The following TRAPPC8 variants were observed in gnomAD, a reference collection of about 807,000 sequenced individuals.
TRAPPC8 encodes the protein general sporulation gene 1 homolog.
In TRAPPC8, 54 loss-of-function variants were observed where a neutral mutation model predicts 174.3. The observed-to-expected ratio is 0.31, with a 90% confidence interval of 0.25 to 0.39. The LOEUF is 0.39. Ranked by LOEUF, TRAPPC8 falls within the 10% of genes least tolerant of loss-of-function variation. The pLI is 1.00. For missense variants in TRAPPC8, 1,531 were observed against 1,699.1 expected (o/e 0.90, Z 1.74); for synonymous variants, 630 against 579.9 (o/e 1.09, Z -1.24).
rs1010175637 is a variant in TRAPPC8, at chr18:31,942,791, C to G, written c.-27G>C. The G allele has an allele frequency of 8.0e-6, 11 of 1,377,364 alleles. No homozygotes were observed. Among genetic ancestry groups the G allele is most frequent in the Non-Finnish European group, 1.0e-5 (11 of 1,055,494 alleles). 85.3% of individuals were successfully genotyped at this position (1,377,364 alleles called of 1,614,324 possible). A position where few individuals can be genotyped will look rare whatever the true frequency, so the allele number is the denominator to read the frequency against. ...GCCGCAGCACAGGCAGCGGCGGCGCCCGCCCTCCGGCCCACCCTGCGAGGT... is the reference window on the plus strand; with the variant it reads ...GCCGCAGCACAGGCAGCGGCGGCGCGCGCCCTCCGGCCCACCCTGCGAGGT... On this transcript the variant is annotated 5_prime_UTR_variant, in exon 1 of 29. Transcript: ENST00000283351.
chr18:31,867,806 G>A (rs541308790), intron 16 of TRAPPC8, among the ~76,000 whole-genome samples: 29 of 152,156 alleles, frequency 1.9e-4, no homozygotes, highest in African/African-American at 5.5e-4. Context: ...TTGAACCCGG[G>A]AGGTGGAGGT....
intron 26 of TRAPPC8, 43 bp downstream of exon 26, chr18:31,846,673 C>T (rs1385260758): frequency 3.4e-6 from 5 of 1,464,776 alleles, no homozygotes; most frequent in Non-Finnish European, 2.8e-6. Flanking sequence ...AAAAAAAAAC[C>T]CACAAGTTCA....
intron 4 of TRAPPC8, among the ~76,000 whole-genome samples, chr18:31,914,536 C>T (rs1489257908): frequency 6.6e-6 from 1 of 152,174 alleles, no homozygotes; most frequent in African/African-American, 2.4e-5. Flanking sequence ...TATAGTAGTA[C>T]ACCTTATCCA....
intron 26 of TRAPPC8, chr18:31,844,413 T>G (rs2033274760): frequency 6.6e-6 from 1 of 152,208 alleles, no homozygotes; most frequent in South Asian, 2.1e-4. Context: ...GTTCTAGTTC[T>G]TGATCTGGGT....
At chr18:31,880,794 G>T (rs1216516749) in intron 12 of TRAPPC8, among the ~76,000 whole-genome samples, 1 of 152,038 alleles carries the variant, frequency 6.6e-6, no homozygotes, top group Non-Finnish European at 1.5e-5. Flanking sequence ...TAGGATAAAT[G>T]ACTTCAGCAG....
chr18:31,939,147 G>C (rs78194016), intron 1 of TRAPPC8, among the ~76,000 whole-genome samples: 33,747 of 148,312 alleles, frequency 0.23, 4,631 homozygotes, highest in South Asian at 0.52. Flanking sequence ...AAAAGTAGCT[G>C]TTCTAGGTGG....
In TRAPPC8 at chr18:31,864,795, C is replaced by T; in HGVS notation, c.2591-14G>A. The T allele has an allele frequency of 6.3e-7, 1 of 1,594,702 alleles. No individual in the cohort carries two copies. The highest frequency in any genetic ancestry group is 8.5e-7 in the Non-Finnish European group (1 of 1,172,150). ...AGGAATATTTTCCTGAAATAAAAAACAATCAATGCCCTAAAATAATTTGGT... is the reference window on the plus strand; with the variant it reads ...AGGAATATTTTCCTGAAATAAAAAATAATCAATGCCCTAAAATAATTTGGT... On this transcript the variant is annotated splice_polypyrimidine_tract_variant and intron_variant, in intron 18 of 28. Coordinates refer to ENST00000283351, the MANE Select transcript of TRAPPC8 (RefSeq NM_014939.5).
chr18:31,904,127 T>G (rs116798021), intron 9 of TRAPPC8, among the ~76,000 whole-genome samples: 1 of 151,572 alleles, frequency 6.6e-6, no homozygotes, highest in African/African-American at 2.4e-5. Context: ...TCCCAGCTAC[T>G]GTGGGGGGCT....
In TRAPPC8 at chr18:31,916,464, T is replaced by C; in HGVS notation, c.443-18A>G. On this transcript the variant is annotated intron_variant, in intron 3 of 28. Coordinates refer to ENST00000283351, the MANE Select transcript of TRAPPC8 (RefSeq NM_014939.5). ...CAACATACCTTGTAAACCATATTAT[T>C]AAGGTAATTATCGCTTATTACTCAA... is the stretch of plus-strand genomic sequence containing the variant. 1.3e-6 allele frequency: 2 copies of C among 1,593,250 alleles called. No individual in the cohort carries two copies. Among genetic ancestry groups the C allele is most frequent in the Non-Finnish European group, 1.7e-6 (2 of 1,171,700 alleles).
At chr18:31,932,797 C>G (rs1424894025) in intron 1 of TRAPPC8, among the ~76,000 whole-genome samples, 1 of 151,794 alleles carries the variant, frequency 6.6e-6, no homozygotes, top group Non-Finnish European at 1.5e-5. Flanking sequence ...GCCTGGCCAA[C>G]ATAGTGAAAC....
At chr18:31,860,864 C>T (rs1204892212) in intron 19 of TRAPPC8, among the ~76,000 whole-genome samples, 1 of 152,144 alleles carries the variant, frequency 6.6e-6, no homozygotes, top group Non-Finnish European at 1.5e-5. Flanking sequence ...ACTATCTATT[C>T]CCAAACTTGT....
intron 1 of TRAPPC8, among the ~76,000 whole-genome samples, chr18:31,939,203 A>C (rs1014593281): frequency 1.3e-5 from 2 of 152,160 alleles, no homozygotes; most frequent in African/African-American, 4.8e-5. Context: ...ACTAAAACCA[A>C]GAAAAATTAA....
At position 31,871,061 on chromosome 18, in the gene TRAPPC8, G is replaced by C. The variant is rs16962530; in HGVS notation, c.2122C>G (p.Gln708Glu). 9,483 of 1,608,408 alleles carry C rather than the reference G, an allele frequency of 5.9e-3. 470 individuals are homozygous for C. In the African/African-American group the frequency reaches 0.11, roughly 18 times the overall value. Residue 708 changes from glutamine (Q) to glutamate (E), a missense_variant, in exon 15 of 29, where the codon CAG (glutamine) becomes GAG (glutamate). Physicochemically the swap from Gln to Glu is conservative, Grantham distance 29 (BLOSUM62 2). Coordinates refer to ENST00000283351, the MANE Select transcript of TRAPPC8 (RefSeq NM_014939.5). ...TGTTCCTCAAGTTCTCGCCACTGCTGAGAGGATTCAGAATCATATTCTTGA... is the reference window on the plus strand; with the variant it reads ...TGTTCCTCAAGTTCTCGCCACTGCTCAGAGGATTCAGAATCATATTCTTGA... ...LDQEYDSESS[Q>E]QWRELEEQVV... is the part of the protein sequence containing the mutation.
intron 5 of TRAPPC8, among the ~76,000 whole-genome samples, chr18:31,912,945 T>A (rs2036980498): frequency 6.6e-6 from 1 of 152,076 alleles, no homozygotes; most frequent in Non-Finnish European, 1.5e-5. Context: ...CTGGCCAATA[T>A]GGTGAAACCT....
At chr18:31,941,488 G>A (rs534834359) in intron 1 of TRAPPC8, among the ~76,000 whole-genome samples, 1 of 152,184 alleles carries the variant, frequency 6.6e-6, no homozygotes, top group South Asian at 2.1e-4. Context: ...AAAACGTAGG[G>A]CATTTTGTTG....
At chr18:31,903,766 C>T (rs1431557940) in intron 9 of TRAPPC8, among the ~76,000 whole-genome samples, 2 of 152,042 alleles carry the variant, frequency 1.3e-5, no homozygotes, top group Admixed American at 1.3e-4. Flanking sequence ...TGGCTCACAC[C>T]TGTAATCCCA....
intron 11 of TRAPPC8, among the ~76,000 whole-genome samples, chr18:31,893,435 C>T (rs1167933641): frequency 6.6e-6 from 1 of 151,824 alleles, no homozygotes; most frequent in Non-Finnish European, 1.5e-5. Flanking sequence ...GTGTGTTACC[C>T]TGGTTTCATT....
chr18:31,869,092 AAATT>A (rs949971739), intron 16 of TRAPPC8, among the ~76,000 whole-genome samples: 1 of 152,060 alleles, frequency 6.6e-6, no homozygotes, highest in African/African-American at 2.4e-5. Flanking sequence ...CTAAACTAAT[AAATT>A]AGTAAGTAAA....
chr18:31,852,680 A>C lies in TRAPPC8; in HGVS notation c.3434-17T>G. On this transcript the variant is annotated splice_polypyrimidine_tract_variant and intron_variant, in intron 22 of 28. Transcript: ENST00000283351. ...GTTTGGTATCTAGGAAGAAAAAGGG[A>C]AATTTCAAAGATGTTTCTCAGTTCA... The C allele has an allele frequency of 6.2e-7, 1 of 1,606,386 alleles. No individual in the cohort carries two copies. Among genetic ancestry groups the C allele is most frequent in the Non-Finnish European group, 8.5e-7 (1 of 1,174,036 alleles).
Sources: allele counts gnomAD v4.1 joint callset (sites outside exome capture counted in the v4.1 genomes callset), GRCh38; gene constraint gnomAD v4.1.1; transcripts MANE v1.5; gene names NCBI Gene and HGNC (gene_info 2026-07-23, HGNC 2026-07-21).